The following RTCA variants were observed in gnomAD, a reference collection of about 807,000 sequenced individuals.
RTCA encodes the protein RNA terminal phosphate cyclase domain 1.
RTCA carries 37 observed loss-of-function variants against 46.1 expected under a neutral mutation model. The observed-to-expected ratio is 0.80, with a 90% confidence interval of 0.62 to 1.06. The LOEUF (loss-of-function observed/expected upper bound fraction) is 1.06. RTCA is among the 50% of genes least tolerant of loss of function. The pLI, the probability that RTCA is intolerant of heterozygous loss-of-function variation, is 0.00. For synonymous variants in RTCA, 164 were observed against 158.3 expected, an observed-to-expected ratio of 1.04 and a Z score of -0.27; for missense variants, 435 against 455.5, an observed-to-expected ratio of 0.95 and a Z score of 0.41.
intron 8 of RTCA, among the ~76,000 whole-genome samples, chr1:100,284,265 A>G (rs1487513149): frequency 6.6e-6 from 1 of 152,134 alleles, no homozygotes; most frequent in Non-Finnish European, 1.5e-5. Flanking sequence ...AAATATTCTG[A>G]CTTATATTTA....
intron 3 of RTCA, among the ~76,000 whole-genome samples, 161 bp from the exon 4 acceptor site, chr1:100,270,396 A>G (rs2100791147): frequency 6.6e-6 from 1 of 152,350 alleles, no homozygotes; most frequent in East Asian, 1.9e-4. Flanking sequence ...CTATTCAGAC[A>G]CTAAAATGTT....
chr1:100,267,629 C>G (rs1665860423), intron 2 of RTCA: 1 of 1,345,646 alleles, frequency 7.4e-7, no homozygotes, highest in Admixed American at 3.0e-5. Flanking sequence ...GTACCTTGCC[C>G]CTAGCGTCTC....
intron 3 of RTCA, among the ~76,000 whole-genome samples, chr1:100,270,339 A>G (rs972861992): frequency 5.3e-5 from 8 of 152,098 alleles, no homozygotes; most frequent in Non-Finnish European, 1.2e-4. Context: ...ATTTAAAGCT[A>G]TTTTTCTATG....
At chr1:100,285,403 G>A in intron 9 of RTCA, 81 bp downstream of exon 9, 4 of 918,924 alleles carry the variant, frequency 4.4e-6, no homozygotes, top group Non-Finnish European at 5.2e-6. Context: ...TTAAATAATT[G>A]ACTTTCAGAC....
chr1:100,286,454 CAAAAAAAAA>C (rs754851046), intron 9 of RTCA, among the ~76,000 whole-genome samples: 13 of 45,360 alleles, frequency 2.9e-4, no homozygotes, highest in Non-Finnish European at 4.0e-4. Context: ...GACTCCGTCT[CAAAAAAAAA>C]AAAAAAAAAA....
At chr1:100,273,778 G>A (rs1570878229) in intron 5 of RTCA, among the ~76,000 whole-genome samples, 1 of 152,146 alleles carries the variant, frequency 6.6e-6, no homozygotes, top group Admixed American at 6.5e-5. Context: ...ACACTAAGGG[G>A]TCATAAAAGG....
chr1:100,279,534 G>A (rs369964461), intron 8 of RTCA, among the ~76,000 whole-genome samples: 10 of 152,264 alleles, frequency 6.6e-5, no homozygotes, highest in African/African-American at 1.9e-4. Context: ...CAAGCTACTC[G>A]GGAGGCTGAA....
intron 8 of RTCA, among the ~76,000 whole-genome samples, 195 bp from the exon 9 acceptor site, chr1:100,285,033 A>G (rs1256732011): frequency 6.6e-6 from 1 of 152,248 alleles, no homozygotes; most frequent in East Asian, 1.9e-4. Context: ...ATTTAAAGGT[A>G]TAAGACTTGT....
chr1:100,290,524 G>A (rs767484291), intron 10 of RTCA, among the ~76,000 whole-genome samples: 28 of 152,276 alleles, frequency 1.8e-4, no homozygotes, highest in South Asian at 8.3e-4. Flanking sequence ...TAATCCCAGC[G>A]CTTTAGGAAG....
chr1:100,269,120 C>T (rs1197494691), intron 3 of RTCA, among the ~76,000 whole-genome samples: 1 of 151,490 alleles, frequency 6.6e-6, no homozygotes, highest in Non-Finnish European at 1.5e-5. Context: ...GAGGCTTGAG[C>T]CTTGGAGGTG....
rs1010883286 is a variant in RTCA, at chr1:100,267,043, A to C, written c.146+419A>C. On this transcript the variant is annotated intron_variant, in intron 2 of 10. Transcript: ENST00000370128. ...CAGTTTTAGAATCATAAAACAGGAA[A>C]GAATCCTGAGATGTGTTATCCCAGC... The C allele has an allele frequency of 5.4e-5, 12 of 224,284 alleles. No individual in the cohort carries two copies. In the East Asian group the frequency reaches 1.2e-3, roughly 23 times the overall value. 13.9% of individuals were successfully genotyped at this position (224,284 alleles called of 1,614,324 possible). A position where few individuals can be genotyped will look rare whatever the true frequency, so the allele number is the denominator to read the frequency against.
rs1197299079 is a variant in RTCA at position 100,292,062 on chromosome 1, G to A, written c.*558G>A. 6.6e-6 allele frequency: 1 copy of A among 152,128 alleles called. No homozygotes were observed. Among genetic ancestry groups the A allele is most frequent in the African/African-American group, 2.4e-5 (1 of 41,272 alleles). The allele number at this position is 152,128 out of a possible 1,614,324, so 9.4% of individuals were successfully genotyped here. A position where few individuals can be genotyped will look rare whatever the true frequency, so the allele number is the denominator to read the frequency against. On this transcript the variant is annotated 3_prime_UTR_variant, in exon 11 of 11. Transcript: ENST00000370128. Reference sequence around the variant, plus strand: ...ACTGCCTCAGCTTCCTGAGTAGTTGGTATTACACCACCATGCCCAGCTAAT... The same window carrying A: ...ACTGCCTCAGCTTCCTGAGTAGTTGATATTACACCACCATGCCCAGCTAAT...
Position 100,266,371 on chromosome 1 carries a change from C to T in RTCA, c.-5C>T. On this transcript the variant is annotated 5_prime_UTR_variant, in exon 1 of 11. Transcript: ENST00000370128. The stretch of plus-strand genomic sequence containing the variant: ...CGCTGCGGGCTGGGCCCCAGGGTGT[C>T]CCCCATGGCGGGGCCGCGGGTGGAG... 6.2e-7 allele frequency: 1 copy of T among 1,612,082 alleles called. No homozygotes were observed. The highest frequency in any genetic ancestry group is 8.5e-7 in the Non-Finnish European group (1 of 1,179,402).
In RTCA at chr1:100,266,761, C is replaced by G. The variant is rs1665802761; in HGVS notation, c.146+137C>G. On this transcript the variant is annotated intron_variant, in intron 2 of 10. Transcript: ENST00000370128. ...CAGGTATGGGCGATCCAGGGCGGGG[C>G]ACTCTGCCTGGGCGGTGGCCTGGGT... 6 of 696,786 alleles carry G rather than the reference C, an allele frequency of 8.6e-6. No individual in the cohort carries two copies. The African/African-American group carries it at 1.1e-4, about 12-fold the overall frequency. 43.2% of individuals were successfully genotyped at this position (696,786 alleles called of 1,614,324 possible).
At chr1:100,278,246 A>G (rs912180360) in intron 8 of RTCA, among the ~76,000 whole-genome samples, 1 of 152,172 alleles carries the variant, frequency 6.6e-6, no homozygotes. Flanking sequence ...TTTAACATCT[A>G]TTGATGATTC....
chr1:100,282,151 TAAGC>T (rs966145216), intron 8 of RTCA, among the ~76,000 whole-genome samples: 3 of 152,226 alleles, frequency 2.0e-5, no homozygotes, highest in African/African-American at 4.8e-5. Context: ...ATAATACTAA[TAAGC>T]AAGATTCTCA....
intron 9 of RTCA, 128 bp from the exon 10 acceptor site, chr1:100,286,971 C>T (rs965574469): frequency 6.3e-6 from 4 of 630,912 alleles, no homozygotes; most frequent in Non-Finnish European, 1.0e-5. Context: ...GTCTGGAAAC[C>T]TAAAGAAATA....
At chr1:100,287,274 A>G (rs757103830) in intron 10 of RTCA, 71 bp downstream of exon 10, 1 of 1,082,192 alleles carries the variant, frequency 9.2e-7, no homozygotes, top group Non-Finnish European at 1.3e-6. Context: ...TTAAATTTTA[A>G]TAGGAAACTT....
chr1:100,278,269 G>T (rs1234075685), intron 8 of RTCA, among the ~76,000 whole-genome samples: 1 of 152,172 alleles, frequency 6.6e-6, no homozygotes, highest in African/African-American at 2.4e-5. Context: ...CTCTGCATCA[G>T]TTATTACATT....
Sources: gnomAD v4.1 joint callset for allele counts (sites outside exome capture counted in the v4.1 genomes callset) on GRCh38, gnomAD v4.1.1 for gene constraint, MANE v1.5 for transcripts, NCBI Gene and HGNC (gene_info 2026-07-23, HGNC 2026-07-21) for gene names.